Variants in ALK observed in about 807,000 individuals in gnomAD.
The protein encoded by ALK is ALK tyrosine kinase receptor.
Under a neutral mutation model 163.1 loss-of-function variants are expected in ALK, and 74 were observed. The observed-to-expected ratio is 0.45, with a 90% CI of 0.38 to 0.55. ALK has a LOEUF of 0.55. ALK is among the 20% of genes least tolerant of loss of function. ALK has a pLI of 0.00. For synonymous variants in ALK, 960 were observed against 843.2 expected, an observed-to-expected ratio of 1.14 and a Z score of -2.40; for missense variants, 2,063 against 2,105.3, an observed-to-expected ratio of 0.98 and a Z score of 0.39.
intron 3 of ALK, among the ~76,000 whole-genome samples, chr2:29,595,616 A>G (rs902877971): frequency 2.0e-4 from 31 of 152,154 alleles, no homozygotes; most frequent in Admixed American, 1.9e-3. Flanking sequence ...CGCCGCGCCC[A>G]GCCGTCTTAT....
At chr2:29,560,814 C>T (rs1553332362) in intron 3 of ALK, among the ~76,000 whole-genome samples, 1 of 152,114 alleles carries the variant, frequency 6.6e-6, no homozygotes, top group Non-Finnish European at 1.5e-5. Context: ...TCAAGTGATC[C>T]ACCTAACTTG....
intron 4 of ALK, among the ~76,000 whole-genome samples, chr2:29,487,285 G>A (rs1671797638): frequency 6.6e-6 from 1 of 152,216 alleles, no homozygotes; most frequent in Non-Finnish European, 1.5e-5. Context: ...GAGCTGGGCT[G>A]CAGAGAGGAC....
chr2:29,453,900 T>C (rs1670884776), intron 4 of ALK, among the ~76,000 whole-genome samples: 1 of 152,122 alleles, frequency 6.6e-6, no homozygotes, highest in Non-Finnish European at 1.5e-5. Flanking sequence ...CACAAAAGCA[T>C]GGAGATCTCA....
At chr2:29,839,983 A>T (rs1665657988) in intron 1 of ALK, among the ~76,000 whole-genome samples, 1 of 152,174 alleles carries the variant, frequency 6.6e-6, no homozygotes, top group Admixed American at 6.5e-5. Flanking sequence ...AGAGGAGGAA[A>T]CTCAGGTTTA....
At chr2:29,747,663 G>A (rs189905333) in intron 1 of ALK, among the ~76,000 whole-genome samples, 1 of 152,310 alleles carries the variant, frequency 6.6e-6, no homozygotes, top group African/African-American at 2.4e-5. Flanking sequence ...GTAATGGAAA[G>A]AGCCCCAGAG....
At chr2:29,913,753 T>C (rs13387589) in intron 1 of ALK, among the ~76,000 whole-genome samples, 52,214 of 152,064 alleles carry the variant, frequency 0.34, 10,594 homozygotes, top group Middle Eastern at 0.47. Flanking sequence ...CTCAAGTCCC[T>C]GGGTTATACG....
intron 3 of ALK, among the ~76,000 whole-genome samples, chr2:29,558,417 T>A (rs188662730): frequency 6.6e-6 from 1 of 152,246 alleles, no homozygotes; most frequent in East Asian, 1.9e-4. Context: ...TGGCCCAACA[T>A]TATCTTTACA....
At chr2:29,570,892 T>C (rs1674341389) in intron 3 of ALK, among the ~76,000 whole-genome samples, 1 of 152,216 alleles carries the variant, frequency 6.6e-6, no homozygotes, top group African/African-American at 2.4e-5. Flanking sequence ...AGCAGCCTTT[T>C]AAACTAGAAG....
chr2:29,323,280 G>T (rs1184409735), intron 6 of ALK, among the ~76,000 whole-genome samples: 1 of 152,196 alleles, frequency 6.6e-6, no homozygotes, highest in Non-Finnish European at 1.5e-5. Context: ...ACCTAACTTG[G>T]AGCTAGTTCT....
At chr2:29,849,854 G>T (rs1327716291) in intron 1 of ALK, among the ~76,000 whole-genome samples, 1 of 152,208 alleles carries the variant, frequency 6.6e-6, no homozygotes, top group South Asian at 2.1e-4. Context: ...CTCTGGTAGT[G>T]CCCTCCCCCC....
chr2:29,268,367 A>C (rs573298441), intron 11 of ALK, among the ~76,000 whole-genome samples: 3 of 152,226 alleles, frequency 2.0e-5, no homozygotes, highest in Non-Finnish European at 2.9e-5. Flanking sequence ...AAGTGAGGGC[A>C]CCTGTCCTGG....
At chr2:29,472,738 G>GA (rs1347664909) in intron 4 of ALK, among the ~76,000 whole-genome samples, 2 of 151,890 alleles carry the variant, frequency 1.3e-5, no homozygotes, top group East Asian at 3.9e-4. Context: ...AGTCACAAAA[G>GA]AAAAAATGAA....
intron 4 of ALK, among the ~76,000 whole-genome samples, chr2:29,517,072 C>G (rs1441188293): frequency 1.3e-5 from 2 of 152,192 alleles, no homozygotes; most frequent in Non-Finnish European, 2.9e-5. Context: ...CTCTTTTGGA[C>G]TTTGGGGACC....
At chr2:29,562,418 C>T (rs112710357) in intron 3 of ALK, among the ~76,000 whole-genome samples, 1 of 152,196 alleles carries the variant, frequency 6.6e-6, no homozygotes, top group African/African-American at 2.4e-5. Context: ...GCATGGCCTC[C>T]TTTCCAGGCC....
intron 3 of ALK, among the ~76,000 whole-genome samples, chr2:29,585,485 C>G (rs1171484154): frequency 6.6e-6 from 1 of 152,066 alleles, no homozygotes; most frequent in Admixed American, 6.6e-5. Context: ...TGCCACCACA[C>G]CTGGCTATTT....
At chr2:29,873,287 A>G (rs1039135166) in intron 1 of ALK, among the ~76,000 whole-genome samples, 13 of 152,186 alleles carry the variant, frequency 8.5e-5, no homozygotes, top group African/African-American at 3.1e-4. Flanking sequence ...CAATACTCCC[A>G]AATACCATAT....
At chr2:29,453,541 TAA>T (rs778572751) in intron 4 of ALK, among the ~76,000 whole-genome samples, 4 of 152,090 alleles carry the variant, frequency 2.6e-5, no homozygotes, top group African/African-American at 4.8e-5. Flanking sequence ...TGGCCTAAAA[TAA>T]AAAGTTTCTT....
chr2:29,500,415 T>G (rs1672142091), intron 4 of ALK, among the ~76,000 whole-genome samples: 1 of 152,154 alleles, frequency 6.6e-6, no homozygotes, highest in African/African-American at 2.4e-5. Context: ...TCCTCAGGCC[T>G]CCTGAGAAGC....
At chr2:29,521,269 A>G (rs1672804608) in intron 4 of ALK, among the ~76,000 whole-genome samples, 1 of 152,096 alleles carries the variant, frequency 6.6e-6, no homozygotes, top group African/African-American at 2.4e-5. Context: ...AGCTTCTGGC[A>G]ATGGTAGGTC....
Sources: gnomAD v4.1 joint callset for allele counts (sites outside exome capture counted in the v4.1 genomes callset) on GRCh38, gnomAD v4.1.1 for gene constraint, MANE v1.5 for transcripts, NCBI Gene and HGNC (gene_info 2026-07-23, HGNC 2026-07-21) for gene names.